The following IGSF1 variants were observed in gnomAD, a reference collection of about 807,000 sequenced individuals.
IGSF1 encodes immunoglobulin superfamily member 1.
A neutral mutation model predicts 95.3 loss-of-function variants in IGSF1; 40 were observed. That is an observed-to-expected ratio of 0.42 (90% CI 0.33 to 0.55). The LOEUF (loss-of-function observed/expected upper bound fraction) is 0.55. Among genes scored for constraint, IGSF1 ranks in the 20% least tolerant of loss-of-function variants. The pLI is 0.10. For synonymous variants in IGSF1, 372 were observed against 382.9 expected (o/e 0.97, Z 0.33); for missense variants, 906 against 1,025.4 (o/e 0.88, Z 1.59).
rs1205861672 is a variant in IGSF1, at chrX:131,283,131, CT to C, written c.800del (p.Lys267SerfsTer9). 8.3e-7 allele frequency: 1 copy of C among 1,209,666 alleles called. No individual in the cohort carries two copies. The highest frequency in any genetic ancestry group is 1.1e-6 in the Non-Finnish European group (1 of 894,747). On this transcript the variant is annotated frameshift_variant, in exon 6 of 20. Coordinates refer to ENST00000361420, the MANE Select transcript of IGSF1 (RefSeq NM_001555.5). LOFTEE classifies it high-confidence loss of function. ...TTATTGTCTTCTTGTGGTAAAAGGA[CT>C]TCTCCAAGTCTTCAACCCTCATTAG... ...FALMRVEDLE[K>X]SFYHKKTIKN...
Position 131,281,880 on chromosome X carries a change from G to A in IGSF1, c.1311C>T (p.Ile437=), listed in dbSNP as rs938666918. 7 of 1,208,413 alleles carry A rather than the reference G, an allele frequency of 5.8e-6. No homozygotes were observed. Among genetic ancestry groups the A allele is most frequent in the South Asian group, 5.3e-5 (3 of 56,746 alleles). The change falls in exon 8 of 20, where the codon ATC becomes ATT. Residue 437 remains isoleucine, a synonymous_variant. Coordinates refer to ENST00000361420, the MANE Select transcript of IGSF1 (RefSeq NM_001555.5). ...GATGAGATACTCGGCACTGAAGGGT[G>A]ATGGCCTTTCCTAGCTTGAACACAG... ...PSTVFKLGKA[I]TLQCRVSHPV...
At chrX:131,274,050 A>C (rs762827158) in intron 19 of IGSF1, 33 bp downstream of exon 19, 1 of 1,210,911 alleles carries the variant, frequency 8.3e-7, no homozygotes. Flanking sequence ...CACCTGGTTC[A>C]CAGAAGGGGG....
rs1006727633 is a variant in IGSF1, at chrX:131,285,060, A to G, written c.667+119T>C. 7 of 1,096,520 alleles carry G rather than the reference A, an allele frequency of 6.4e-6. No individual in the cohort carries two copies. The African/African-American group carries it at 1.3e-4, about 20-fold the overall frequency. 90.4% of individuals were successfully genotyped at this position (1,096,520 alleles called of 1,213,427 possible). A position where few individuals can be genotyped will look rare whatever the true frequency, so the allele number is the denominator to read the frequency against. On this transcript the variant is annotated intron_variant, in intron 5 of 19. Transcript: ENST00000361420. ...GTAAAACTTCAAACGACTGTAGCTC[A>G]TGGGGCCTTGCAGGGCCTAGAAACT...
At chrX:131,277,794 C>A in intron 13 of IGSF1, 62 bp downstream of exon 13, 1 of 1,128,204 alleles carries the variant, frequency 8.9e-7, no homozygotes, top group Non-Finnish European at 1.2e-6. Flanking sequence ...GAGTGTCTGA[C>A]CCAGGGCTTT....
chrX:131,277,074 C>A lies in IGSF1; in HGVS notation c.2473G>T (p.Ala825Ser), dbSNP rs1195791420. The change falls in exon 14 of 20, where the codon GCA (alanine) becomes TCA (serine). Residue 825 changes from alanine to serine, a missense_variant. By Grantham distance (99) the Ala-to-Ser change is moderately conservative. Coordinates refer to ENST00000361420, the MANE Select transcript of IGSF1 (RefSeq NM_001555.5). ...TGAGCTGCACTGGCCCCCGGACTTG[C>A]CCAGGACCTGTCACTGGATGCTATT... ...SEIASSDRSW[A>S]SPGASAAHFL... 8.3e-7 allele frequency: 1 copy of A among 1,211,161 alleles called. No individual in the cohort carries two copies. The highest frequency in any genetic ancestry group is 1.8e-5 in the South Asian group (1 of 56,931).
chrX:131,286,754 T>C lies in IGSF1; in HGVS notation c.-67-13A>G, dbSNP rs183534042. On this transcript the variant is annotated splice_polypyrimidine_tract_variant and intron_variant, in intron 1 of 19. Transcript: ENST00000361420. ...CAGGTGGTGGGATCTAAAAGCAGAA[T>C]TGTTTTTACTCAGAGGACTTGTCCT... The C allele has an allele frequency of 2.9e-4, 247 of 850,964 alleles. 1 individual carries two copies. The African/African-American group carries it at 4.7e-3, about 16-fold the overall frequency. 70.1% of individuals were successfully genotyped at this position (850,964 alleles called of 1,213,427 possible).
At chrX:131,289,364 C>T (rs1603407054), upstream of IGSF1, 2 of 365,940 alleles carry the variant, frequency 5.5e-6, no homozygotes, top group East Asian at 7.6e-5. Context: ...GCCGGCCCGC[C>T]CCAACCTCCT....
chrX:131,274,760 T>C lies in IGSF1; in HGVS notation c.3590A>G (p.Asp1197Gly), dbSNP rs376897895. 5.8e-5 allele frequency: 70 copies of C among 1,209,659 alleles called. No homozygotes were observed. Among genetic ancestry groups the C allele is most frequent in the Non-Finnish European group, 7.3e-5 (65 of 895,013 alleles). Reference sequence around the variant, plus strand: ...AAACTGCTGAGGTGCTTCTTCTCCATCATGTTCTAGGACAAATTCAACACC... The same window carrying C: ...AAACTGCTGAGGTGCTTCTTCTCCACCATGTTCTAGGACAAATTCAACACC... ...LPGVEFVLEHDGEEAPQQFSE... is the reference protein window; with the variant it reads ...LPGVEFVLEHGGEEAPQQFSE... The change falls in exon 18 of 20, where the codon GAT becomes GGT. Residue 1197 changes from aspartate (D) to glycine (G), a missense_variant. Asp to Gly is a moderately conservative substitution (Grantham distance 94). Coordinates refer to ENST00000361420, the MANE Select transcript of IGSF1 (RefSeq NM_001555.5).
intron 9 of IGSF1, among the ~76,000 whole-genome samples, chrX:131,279,553 G>A (rs929184949): frequency 3.7e-5 from 4 of 108,958 alleles, no homozygotes; most frequent in Non-Finnish European, 5.7e-5. Flanking sequence ...TGACCCACGT[G>A]TCCCCCCCGC....
rs2080580474 is a variant in IGSF1 at position 131,282,719 on chromosome X, C to A, written c.971G>T (p.Trp324Leu). ...CACAGCACTGGGCCGAGCAAGTAGC[C>A]AGGTCTTGGGGAAAGTGTCTAGGAT... is the stretch of plus-strand genomic sequence containing the variant. The part of the protein sequence containing the change: ...IWVTDTFPKT[W>L]LLARPSAVVQ... The change falls in exon 7 of 20, where the codon TGG becomes TTG. Residue 324 changes from tryptophan to leucine, a missense_variant. Physicochemically the swap from Trp to Leu is moderately conservative, Grantham distance 61. This residue lies in a region of IGSF1 where 442 missense variants were observed against 448.1 expected (regional missense o/e 0.99). Coordinates refer to ENST00000361420, the MANE Select transcript of IGSF1 (RefSeq NM_001555.5). The A allele has an allele frequency of 8.3e-7, 1 of 1,206,721 alleles. No individual in the cohort carries two copies. Among genetic ancestry groups the A allele is most frequent in the Non-Finnish European group, 1.1e-6 (1 of 892,272 alleles).
chrX:131,274,231 C>T (rs1204410387), intron 18 of IGSF1, 25 bp from the exon 19 acceptor site: 7 of 1,207,622 alleles, frequency 5.8e-6, no homozygotes, highest in African/African-American at 3.5e-5. Context: ...GAGGAGAAAC[C>T]GAGGCCATGG....
chrX:131,278,421 C>A, intron 12 of IGSF1, 40 bp downstream of exon 12: 1 of 1,112,698 alleles, frequency 9.0e-7, no homozygotes. Context: ...GTCCCAGGGG[C>A]ACTGGGGATA....
chrX:131,288,231 T>C (rs1301903579), intron 1 of IGSF1, among the ~76,000 whole-genome samples: 1 of 112,407 alleles, frequency 8.9e-6, no homozygotes, highest in Middle Eastern at 4.2e-3. Context: ...TGTGTTGGGT[T>C]AGAGATAATA....
At chrX:131,281,644 C>G in intron 8 of IGSF1, 22 bp downstream of exon 8, 1 of 1,198,693 alleles carries the variant, frequency 8.3e-7, no homozygotes, top group Admixed American at 2.2e-5. Context: ...AGGGGCATTC[C>G]TCTGAAGAGT....
Position 131,281,882 on chromosome X carries a change from T to G in IGSF1, c.1309A>C (p.Ile437Leu), listed in dbSNP as rs200121799. ...PSTVFKLGKAITLQCRVSHPV... is the reference protein window; with the variant it reads ...PSTVFKLGKALTLQCRVSHPV... ...TGAGATACTCGGCACTGAAGGGTGA[T>G]GGCCTTTCCTAGCTTGAACACAGTG... Residue 437 changes from isoleucine (I) to leucine (L), a missense_variant, in exon 8 of 20, where the codon ATC (isoleucine) becomes CTC (leucine). By Grantham distance (5) the Ile-to-Leu change is conservative. Coordinates refer to ENST00000361420, the MANE Select transcript of IGSF1 (RefSeq NM_001555.5). 8.3e-7 allele frequency: 1 copy of G among 1,208,590 alleles called. No individual in the cohort carries two copies. Among genetic ancestry groups the G allele is most frequent in the Non-Finnish European group, 1.1e-6 (1 of 894,419 alleles).
intron 8 of IGSF1, 146 bp from the exon 9 acceptor site, chrX:131,281,484 G>A (rs2080558713): frequency 9.0e-6 from 8 of 891,386 alleles, no homozygotes; most frequent in Non-Finnish European, 1.1e-5. Context: ...TGGAGAATGG[G>A]AGCCTTGAAA....
chrX:131,281,989 A>G (rs767690824), intron 7 of IGSF1, 45 bp from the exon 8 acceptor site: 1 of 1,097,504 alleles, frequency 9.1e-7, no homozygotes, highest in East Asian at 3.0e-5. Flanking sequence ...CCTCAAACCC[A>G]GTACCCTCTC....
At chrX:131,276,331 C>T in intron 14 of IGSF1, 83 bp from the exon 15 acceptor site, 1 of 790,975 alleles carries the variant, frequency 1.3e-6, no homozygotes, top group Non-Finnish European at 1.8e-6. Flanking sequence ...TTGTAAGACA[C>T]AATATATGTT....
Position 131,273,795 on chromosome X carries a change from A to G in IGSF1, c.*1T>C, listed in dbSNP as rs1390459521. Reference sequence around the variant, plus strand: ...GAAAGCTCTTGTAAAGGAGGAGATTATTATATTGGAACGGGCAGTTCCACA... The same window carrying G: ...GAAAGCTCTTGTAAAGGAGGAGATTGTTATATTGGAACGGGCAGTTCCACA... On this transcript the variant is annotated 3_prime_UTR_variant, in exon 20 of 20. Transcript: ENST00000361420. 1 of 1,206,581 alleles carries G rather than the reference A, an allele frequency of 8.3e-7. No homozygotes were observed. The highest frequency in any genetic ancestry group is 3.0e-5 in the East Asian group (1 of 33,782).
Sources: allele counts gnomAD v4.1 joint callset (sites outside exome capture counted in the v4.1 genomes callset), GRCh38; gene constraint gnomAD v4.1.1; regional missense constraint gnomAD v4.1.1; transcripts MANE v1.5; gene names NCBI Gene and HGNC (gene_info 2026-07-23, HGNC 2026-07-21).